HTR4: variants seen among roughly 807,000 people sequenced by gnomAD.
HTR4 encodes 5-hydroxytryptamine (serotonin) receptor 4, G protein-coupled.
A neutral mutation model predicts 36.8 loss-of-function variants in HTR4; 16 were observed. The ratio of observed to expected loss-of-function variants is 0.43; its 90% confidence interval spans 0.29 to 0.66. The LOEUF is 0.66. Among genes scored for constraint, HTR4 ranks in the 30% least tolerant of loss-of-function variants. HTR4 has a pLI of 0.13. For missense variants in HTR4, 438 were observed against 490.9 expected (o/e 0.89, Z 1.02); for synonymous variants, 189 against 185.1 (o/e 1.02, Z -0.17).
chr5:148,487,681 G>A (rs149399167), intron 6 of HTR4, among the ~76,000 whole-genome samples: 8 of 150,662 alleles, frequency 5.3e-5, no homozygotes, highest in East Asian at 3.9e-4. Flanking sequence ...ACCAGAGAGC[G>A]AGCTTAGAGA....
chr5:148,552,540 C>T (rs758825994), intron 2 of HTR4, among the ~76,000 whole-genome samples: 1 of 152,208 alleles, frequency 6.6e-6, no homozygotes, highest in Non-Finnish European at 1.5e-5. Flanking sequence ...TCTTCCACCC[C>T]CAGGGCCTCT....
At chr5:148,455,617 G>A (rs1430338105) in intron 5 of HTR4, among the ~76,000 whole-genome samples, 1 of 152,160 alleles carries the variant, frequency 6.6e-6, no homozygotes, top group African/African-American at 2.4e-5. Flanking sequence ...AGATGGGCAC[G>A]TTTTCCAGTT....
chr5:148,579,286 T>C (rs1318506607), intron 2 of HTR4, among the ~76,000 whole-genome samples: 1 of 152,120 alleles, frequency 6.6e-6, no homozygotes, highest in African/African-American at 2.4e-5. Flanking sequence ...ATTTTTCTCA[T>C]AGTTCTCAGA....
intron 5 of HTR4, among the ~76,000 whole-genome samples, chr5:148,463,195 C>T (rs1365753903): frequency 1.0e-4 from 8 of 76,242 alleles, no homozygotes; most frequent in Admixed American, 6.5e-4. Context: ...TTTTTTGAGA[C>T]GGAGTCTCAC....
chr5:148,460,855 C>T (rs1755259953), intron 5 of HTR4, among the ~76,000 whole-genome samples: 2 of 152,018 alleles, frequency 1.3e-5, no homozygotes, highest in South Asian at 2.1e-4. Flanking sequence ...AATGGAGTTA[C>T]ATCCTGATAA....
chr5:148,642,452 T>C (rs766019028), intron 1 of HTR4, among the ~76,000 whole-genome samples: 3 of 152,184 alleles, frequency 2.0e-5, no homozygotes, highest in Non-Finnish European at 2.9e-5. Flanking sequence ...ATAGGTTCCA[T>C]AGGTAGAATA....
At chr5:148,580,019 A>G (rs960085395) in intron 2 of HTR4, among the ~76,000 whole-genome samples, 14 of 152,028 alleles carry the variant, frequency 9.2e-5, no homozygotes, top group African/African-American at 3.1e-4. Context: ...TTGAATACCA[A>G]GGAGAAGGAG....
chr5:148,558,912 G>A (rs1760071053), intron 2 of HTR4, among the ~76,000 whole-genome samples: 1 of 152,130 alleles, frequency 6.6e-6, no homozygotes, highest in South Asian at 2.1e-4. Flanking sequence ...GACTTATGAT[G>A]GGGTTACCTC....
At chr5:148,542,760 G>C (rs1485044467) in intron 4 of HTR4, among the ~76,000 whole-genome samples, 2 of 152,192 alleles carry the variant, frequency 1.3e-5, no homozygotes, top group Non-Finnish European at 2.9e-5. Flanking sequence ...CCAGCAGAAG[G>C]ATCTAGAAAT....
chr5:148,476,599 C>T, downstream of HTR4: 1 of 1,500,516 alleles, frequency 6.7e-7, no homozygotes, highest in Non-Finnish European at 8.9e-7. Context: ...AGTGGAGATG[C>T]CGTAACAATG....
At position 148,535,666 on chromosome 5, in the gene HTR4, G is replaced by T. The variant is rs944388953; in HGVS notation, c.354-12320C>A. 3.3e-5 allele frequency among the ~76,000 whole-genome samples: 5 copies of T among 152,056 alleles called. No homozygotes were observed. The East Asian group carries it at 9.6e-4, about 29-fold the overall frequency. On this transcript the variant is annotated intron_variant, in intron 4 of 6. Transcript: ENST00000377888. ...CTTGAAGATTGTCTCTCTAAAATAA[G>T]ACAGTTAGACAAAAATAAAGACAAA...
intron 2 of HTR4, among the ~76,000 whole-genome samples, chr5:148,585,940 T>A (rs1761328798): frequency 6.6e-6 from 1 of 152,192 alleles, no homozygotes; most frequent in Non-Finnish European, 1.5e-5. Flanking sequence ...TTACTTCTGG[T>A]TGGCCTTCAT....
At chr5:148,516,436 C>T (rs968453272) in intron 5 of HTR4, among the ~76,000 whole-genome samples, 2 of 150,118 alleles carry the variant, frequency 1.3e-5, no homozygotes, top group Admixed American at 6.7e-5. Flanking sequence ...TCTTCTGCCT[C>T]GGTCTCCTGA....
chr5:148,465,961 G>A, intron 5 of HTR4: 1 of 1,599,778 alleles, frequency 6.3e-7, no homozygotes, highest in Non-Finnish European at 8.5e-7. Context: ...ACAGATGAGG[G>A]AGAGCCAAGC....
At chr5:148,585,095 C>A (rs10040819) in intron 2 of HTR4, among the ~76,000 whole-genome samples, 41,455 of 152,108 alleles carry the variant, frequency 0.27, 7,743 homozygotes, top group African/African-American at 0.53. Flanking sequence ...AAAAAGTTAC[C>A]TAACTTCACT....
At position 148,554,344 on chromosome 5, in the gene HTR4, G is replaced by A. The variant is rs557341746; in HGVS notation, c.27-4082C>T. On this transcript the variant is annotated intron_variant, in intron 2 of 6. Coordinates refer to ENST00000377888, the MANE Select transcript of HTR4 (RefSeq NM_000870.7). ...CCCGCCTCGGCCTCCCAAAGTGCTGGGATTACAGGCATGAGCCACCGCGCC... is the reference window on the plus strand; with the variant it reads ...CCCGCCTCGGCCTCCCAAAGTGCTGAGATTACAGGCATGAGCCACCGCGCC... Among the ~76,000 whole-genome samples, 30 of 152,168 alleles carry A rather than the reference G, an allele frequency of 2.0e-4. 1 individual carries two copies. The South Asian group carries it at 2.3e-3, about 12-fold the overall frequency.
intron 2 of HTR4, among the ~76,000 whole-genome samples, chr5:148,576,054 A>G (rs1760886610): frequency 6.8e-6 from 1 of 147,970 alleles, no homozygotes; most frequent in African/African-American, 2.5e-5. Flanking sequence ...TACAAAATCA[A>G]TGTAAAAAAT....
chr5:148,585,693 T>G (rs1049775262), intron 2 of HTR4, among the ~76,000 whole-genome samples: 1 of 152,178 alleles, frequency 6.6e-6, no homozygotes, highest in Admixed American at 6.5e-5. Flanking sequence ...GGAGTAAAAT[T>G]CAAGCCTCTT....
chr5:148,525,525 C>CT (rs1179098444), intron 4 of HTR4, among the ~76,000 whole-genome samples: 1 of 152,124 alleles, frequency 6.6e-6, no homozygotes, highest in Non-Finnish European at 1.5e-5. Flanking sequence ...CCCGATCAGA[C>CT]TTTCTCCTAG....
Sources: allele counts gnomAD v4.1 joint callset (sites outside exome capture counted in the v4.1 genomes callset), GRCh38; gene constraint gnomAD v4.1.1; transcripts MANE v1.5; gene names NCBI Gene and HGNC (gene_info 2026-07-23, HGNC 2026-07-21).